The following SHANK2 variants were observed in gnomAD, a reference collection of about 807,000 sequenced individuals.
SHANK2 encodes the protein SH3 and multiple ankyrin repeat domains 2.
Under a neutral mutation model 133.7 loss-of-function variants are expected in SHANK2, and 43 were observed. That is an observed-to-expected ratio of 0.32 (90% CI 0.25 to 0.41). The LOEUF is 0.41. Ranked by LOEUF, SHANK2 falls within the 10% of genes least tolerant of loss-of-function variation. The pLI, the probability that SHANK2 is intolerant of heterozygous loss-of-function variation, is 1.00. For missense variants in SHANK2, 1,994 were observed against 2,235.8 expected (o/e 0.89, Z 2.18); for synonymous variants, 1,017 against 952.8 (o/e 1.07, Z -1.24).
At chr11:70,700,949 C>G (rs782423981) in intron 14 of SHANK2, among the ~76,000 whole-genome samples, 1 of 152,224 alleles carries the variant, frequency 6.6e-6, no homozygotes, top group Non-Finnish European at 1.5e-5. Context: ...CAGAGTAGCT[C>G]ACAATGCCAA....
At chr11:70,903,838 C>T (rs782740137) in intron 10 of SHANK2, among the ~76,000 whole-genome samples, 15 of 152,206 alleles carry the variant, frequency 9.9e-5, no homozygotes, top group East Asian at 3.8e-4. Flanking sequence ...TGCAAAGCCC[C>T]GCAAAGCTGG....
intron 17 of SHANK2, among the ~76,000 whole-genome samples, chr11:70,641,081 TTTTTTTTC>T (rs1401365315): frequency 1.3e-5 from 2 of 149,108 alleles, no homozygotes; most frequent in South Asian, 2.2e-4. Flanking sequence ...TTTACTATGC[TTTTTTTTC>T]TTTTTTTCTT....
chr11:70,553,317 TC>T (rs2059792585), intron 17 of SHANK2, among the ~76,000 whole-genome samples: 1 of 152,112 alleles, frequency 6.6e-6, no homozygotes, highest in Admixed American at 6.5e-5. Flanking sequence ...GGTCTTGAAC[TC>T]CTGACCTCAA....
At chr11:70,871,992 C>T (rs970568760) in intron 11 of SHANK2, among the ~76,000 whole-genome samples, 6 of 152,276 alleles carry the variant, frequency 3.9e-5, no homozygotes, top group East Asian at 1.9e-4. Flanking sequence ...AGCCCCACGA[C>T]GACATCCCTG....
intron 14 of SHANK2, among the ~76,000 whole-genome samples, chr11:70,719,541 T>C (rs1618275): frequency 0.48 from 72,224 of 151,874 alleles, 19,029 homozygotes; most frequent in African/African-American, 0.72. Flanking sequence ...TGCAGAACCC[T>C]GACCTACGTG....
chr11:71,192,161 T>C (rs1376072746), intron 2 of SHANK2, among the ~76,000 whole-genome samples: 1 of 152,166 alleles, frequency 6.6e-6, no homozygotes, highest in Non-Finnish European at 1.5e-5. Context: ...ACACCCGGCC[T>C]TCATCTCATC....
chr11:70,686,356 C>A (rs990285407), intron 15 of SHANK2, among the ~76,000 whole-genome samples: 4 of 150,530 alleles, frequency 2.7e-5, no homozygotes, highest in African/African-American at 9.8e-5. Flanking sequence ...CATTCACACA[C>A]CCATCCAGCC....
intron 14 of SHANK2, among the ~76,000 whole-genome samples, chr11:70,727,642 G>C (rs1555031004): frequency 6.6e-6 from 1 of 152,212 alleles, no homozygotes; most frequent in African/African-American, 2.4e-5. Context: ...TGCTACCCCT[G>C]CTCTGCATTC....
intron 14 of SHANK2, among the ~76,000 whole-genome samples, chr11:70,753,122 C>T (rs1357320117): frequency 7.1e-5 from 10 of 141,754 alleles, no homozygotes; most frequent in Non-Finnish European, 1.1e-4. Context: ...CAAAACAAAA[C>T]AAAACAAACA....
At chr11:70,754,029 C>T (rs2510291) in intron 14 of SHANK2, among the ~76,000 whole-genome samples, 1 of 152,212 alleles carries the variant, frequency 6.6e-6, no homozygotes, top group Non-Finnish European at 1.5e-5. Context: ...CTAGGCTTGT[C>T]TTGAACTCCT....
chr11:71,065,461 G>GGA (rs1951039408), intron 9 of SHANK2, among the ~76,000 whole-genome samples: 1 of 132,584 alleles, frequency 7.5e-6, no homozygotes, highest in Non-Finnish European at 1.6e-5. Flanking sequence ...GGAAGTTGGG[G>GGA]GGTGTGTGCA....
In SHANK2 at chr11:70,807,948, G is replaced by T. The variant is rs1401085177; in HGVS notation, c.1494-777C>A. On this transcript the variant is annotated intron_variant, in intron 12 of 25. Transcript: ENST00000601538. The surrounding 1 kb of genome is among the most constrained non-coding windows in gnomAD (Gnocchi z 4.8). ...ACTGTGTGATCCCAGCCATGCGAGG[G>T]CCCGAGAGCAGTCAGATTCATGGAC... Among the ~76,000 whole-genome samples, 3 of 152,164 alleles carry T rather than the reference G, an allele frequency of 2.0e-5. No individual in the cohort carries two copies. Among genetic ancestry groups the T allele is most frequent in the Non-Finnish European group, 4.4e-5 (3 of 68,038 alleles).
At chr11:70,651,088 C>T (rs1455681006) in intron 17 of SHANK2, among the ~76,000 whole-genome samples, 1 of 152,194 alleles carries the variant, frequency 6.6e-6, no homozygotes, top group Non-Finnish European at 1.5e-5. Context: ...GAGGCAGAGC[C>T]TGGATTCAAA....
intron 17 of SHANK2, among the ~76,000 whole-genome samples, chr11:70,630,164 C>G (rs1555001547): frequency 6.6e-6 from 1 of 152,184 alleles, no homozygotes; most frequent in African/African-American, 2.4e-5. Context: ...AGGTGGGCTG[C>G]AGAGCCCACG....
chr11:71,191,648 C>T (rs963517154), intron 2 of SHANK2, among the ~76,000 whole-genome samples: 4 of 152,120 alleles, frequency 2.6e-5, no homozygotes, highest in Non-Finnish European at 5.9e-5. Flanking sequence ...TAACCTCTGC[C>T]TCCCAGGTTC....
At position 70,485,760 on chromosome 11, in the gene SHANK2, G is replaced by A; in HGVS notation, c.4533C>T (p.Ser1511=). 1.2e-6 allele frequency: 2 copies of A among 1,614,082 alleles called. No homozygotes were observed. Among genetic ancestry groups the A allele is most frequent in the East Asian group, 2.2e-5 (1 of 44,880 alleles). The change falls in exon 25 of 26, where the codon TCC becomes TCT. Residue 1511 remains serine, a synonymous_variant. Coordinates refer to ENST00000601538, the MANE Select transcript of SHANK2 (RefSeq NM_012309.5). The surrounding 1 kb of genome is among the most constrained non-coding windows in gnomAD (Gnocchi z 5.8). ...ACAGGGTGGAGATGCTAGACACGGT[G>A]GAGATAGTGCTGGTCGTCTCGAGGT... ...DHHLETTSTI[S]TVSSISTLSS... is the part of the protein sequence containing the mutation.
In SHANK2 at chr11:70,561,002, C is replaced by T. The variant is rs1406250559; in HGVS notation, c.2062-58071G>A. Among the ~76,000 whole-genome samples, 11 of 152,282 alleles carry T rather than the reference C, an allele frequency of 7.2e-5. No individual in the cohort carries two copies. The East Asian group carries it at 7.7e-4, about 11-fold the overall frequency. On this transcript the variant is annotated intron_variant, in intron 17 of 25. Coordinates refer to ENST00000601538, the MANE Select transcript of SHANK2 (RefSeq NM_012309.5). Reference sequence around the variant, plus strand: ...ATAGATAATGGAAGAGAAAAGAGAGCGCAGAGATAGCCCCACACACACACG... The same window carrying T: ...ATAGATAATGGAAGAGAAAAGAGAGTGCAGAGATAGCCCCACACACACACG...
chr11:70,687,684 C>T (rs1284887095), intron 15 of SHANK2, among the ~76,000 whole-genome samples: 3 of 152,214 alleles, frequency 2.0e-5, no homozygotes, highest in Admixed American at 6.5e-5. Context: ...ACTAACTCCT[C>T]TCCTTTGCCT....
chr11:70,543,448 C>T (rs1554975618), intron 17 of SHANK2, among the ~76,000 whole-genome samples: 1 of 152,154 alleles, frequency 6.6e-6, no homozygotes, highest in African/African-American at 2.4e-5. Flanking sequence ...AGTCGATCAC[C>T]AATGGCCAAT....
Sources: allele counts gnomAD v4.1 joint callset (sites outside exome capture counted in the v4.1 genomes callset), GRCh38; gene constraint gnomAD v4.1.1; non-coding constraint Gnocchi (gnomAD v3.1); transcripts MANE v1.5; gene names NCBI Gene and HGNC (gene_info 2026-07-23, HGNC 2026-07-21).